The following MAMDC4 variants were observed in gnomAD, a reference collection of about 807,000 sequenced individuals.
The protein encoded by MAMDC4 is MAM domain containing 4.
MAMDC4 carries 168 observed loss-of-function variants against 153.3 expected under a neutral mutation model. The observed-to-expected ratio is 1.10, with a 90% CI of 0.97 to 1.25. MAMDC4 has a LOEUF of 1.25. MAMDC4 is among the 50% of genes most tolerant of loss of function. The pLI, the probability that MAMDC4 is intolerant of heterozygous loss-of-function variation, is 0.00. For synonymous variants in MAMDC4, 744 were observed against 651.5 expected (o/e 1.14, Z -2.16); for missense variants, 1,701 against 1,542.8 (o/e 1.10, Z -1.72).
chr9:136,859,500 C>A (rs995743749), intron 25 of MAMDC4, 183 bp downstream of exon 25: 10 of 649,910 alleles, frequency 1.5e-5, no homozygotes, highest in African/African-American at 1.8e-5. Flanking sequence ...ACCCCTGGGG[C>A]CGCTGCCTGG....
chr9:136,854,271 C>T lies in MAMDC4; in HGVS notation c.731C>T (p.Pro244Leu), dbSNP rs1848970084. The T allele has an allele frequency of 6.2e-7, 1 of 1,610,292 alleles. No individual in the cohort carries two copies. Among genetic ancestry groups the T allele is most frequent in the Non-Finnish European group, 8.5e-7 (1 of 1,178,930 alleles). Residue 244 changes from proline to leucine, a missense_variant, in exon 7 of 27, where the codon CCC (proline) becomes CTC (leucine). Coordinates refer to ENST00000317446, the MANE Select transcript of MAMDC4 (RefSeq NM_206920.3). Reference sequence around the variant, plus strand: ...TGCCAGAACAAGGTCTGCGTGGAGCCCCAGCAGCTGTGCGACGGGGAAGAC... The same window carrying T: ...TGCCAGAACAAGGTCTGCGTGGAGCTCCAGCAGCTGTGCGACGGGGAAGAC... ...HHCQNKVCVE[P>L]QQLCDGEDNC...
At position 136,856,770 on chromosome 9, in the gene MAMDC4, C is replaced by T. The variant is rs772349862; in HGVS notation, c.1781C>T (p.Thr594Ile). 1 of 1,612,140 alleles carries T rather than the reference C, an allele frequency of 6.2e-7. No homozygotes were observed. Among genetic ancestry groups the T allele is most frequent in the Non-Finnish European group, 8.5e-7 (1 of 1,179,672 alleles). The change falls in exon 15 of 27, where the codon ACA becomes ATA. Residue 594 changes from threonine to isoleucine, a missense_variant. Transcript: ENST00000317446. ...TGGTACCCAGGCCACCTCTCAGACA[C>T]ACACTGGCGCTGGGTGGAGAGCCGC... Reference protein sequence around the residue: ...CSWYPGHLSDTHWRWVESRGP... With the variant: ...CSWYPGHLSDIHWRWVESRGP...
rs771008219 is a variant in MAMDC4, at chr9:136,858,218, A to G, written c.2616A>G (p.Ala872=). Residue 872 remains alanine, a synonymous_variant, in exon 21 of 27, where the codon GCA becomes GCG. Transcript: ENST00000317446. ...VVFEAVAAGV[A]HSYVALDDLL... ...TTGAGGCAGTGGCCGCAGGCGTGGC[A>G]CACTCCTACGTGGCTCTGGATGATC... 3 of 1,598,684 alleles carry G rather than the reference A, an allele frequency of 1.9e-6. No homozygotes were observed. The highest frequency in any genetic ancestry group is 2.5e-6 in the Non-Finnish European group (3 of 1,177,154).
chr9:136,856,588 C>T (rs1849008026), intron 14 of MAMDC4, 122 bp from the exon 15 acceptor site: 1 of 924,108 alleles, frequency 1.1e-6, no homozygotes, highest in Non-Finnish European at 1.8e-6. Flanking sequence ...TCCTGCTGCC[C>T]ATCCTCACTC....
Position 136,853,821 on chromosome 9 carries a change from C to T in MAMDC4, c.499C>T (p.Leu167=). 1 of 1,612,334 alleles carries T rather than the reference C, an allele frequency of 6.2e-7. No individual in the cohort carries two copies. Among genetic ancestry groups the T allele is most frequent in the Non-Finnish European group, 8.5e-7 (1 of 1,179,730 alleles). Reference sequence around the variant, plus strand: ...GGAGCTGACCCATGGCGCAGAGACCCTGACCCTGTGGCAGAGCACAGGGCC... The same window carrying T: ...GGAGCTGACCCATGGCGCAGAGACCTTGACCCTGTGGCAGAGCACAGGGCC... ...RVELTHGAET[L]TLWQSTGPWG... Residue 167 remains leucine, a synonymous_variant, in exon 5 of 27, where the codon CTG becomes TTG. Transcript: ENST00000317446.
chr9:136,859,819 A>T, intron 25 of MAMDC4, 67 bp from the exon 26 acceptor site: 1 of 1,555,850 alleles, frequency 6.4e-7, no homozygotes, highest in Non-Finnish European at 8.8e-7. Context: ...ATGCAGCCCC[A>T]GGCTTCCTCC....
At position 136,857,730 on chromosome 9, in the gene MAMDC4, G is replaced by T; in HGVS notation, c.2398G>T (p.Glu800Ter). 6.2e-7 allele frequency: 1 copy of T among 1,612,586 alleles called. No individual in the cohort carries two copies. Among genetic ancestry groups the T allele is most frequent in the South Asian group, 1.1e-5 (1 of 91,078 alleles). The change falls in exon 19 of 27, where the codon GAG becomes TAG. Residue 800 changes from glutamate (E) to a stop codon, truncating the protein, a stop_gained. Transcript: ENST00000317446. LOFTEE classifies it high-confidence loss of function. ...RGQTASLTSK[E>*]HRPLAQPACL... ...CCAGACGGCCTCCCTGACCTCCAAG[G>T]AGCACAGGCCCCTGGCCCAGCCTGC... is the stretch of plus-strand genomic sequence containing the variant.
At chr9:136,852,777 G>A (rs1411364384) in intron 1 of MAMDC4, among the ~76,000 whole-genome samples, 1 of 152,180 alleles carries the variant, frequency 6.6e-6, no homozygotes, top group East Asian at 1.9e-4. Context: ...GCCCTGGGCC[G>A]CCCGTCGATG....
chr9:136,856,368 G>A (rs755246499), intron 14 of MAMDC4: 19 of 894,668 alleles, frequency 2.1e-5, no homozygotes, highest in South Asian at 7.9e-5. Flanking sequence ...GGGGCCCGCC[G>A]CCGGCCCTTC....
In MAMDC4 at chr9:136,854,129, C is replaced by T. The variant is rs1472370214; in HGVS notation, c.670+53C>T. The T allele has an allele frequency of 1.5e-5, 24 of 1,609,786 alleles. No homozygotes were observed. In the South Asian group the frequency reaches 2.2e-4, roughly 15 times the overall value. ...CCCCGGGAGGGCCCCCACCTGCCCA[C>T]TCCCCTGCTCAGACCCTGTCTGCCC... is the stretch of plus-strand genomic sequence containing the variant. On this transcript the variant is annotated intron_variant, in intron 6 of 26. Transcript: ENST00000317446.
rs375682100 is a variant in MAMDC4 at position 136,855,157 on chromosome 9, A to G, written c.1197+47A>G. 6.4e-6 allele frequency: 10 copies of G among 1,564,636 alleles called. No homozygotes were observed. The African/African-American group carries it at 1.4e-4, about 21-fold the overall frequency. ...GGGTCTGGGGAGCCGCACTGTGGGC[A>G]GGGGAGGGGAACCCACAAGGTACCC... On this transcript the variant is annotated intron_variant, in intron 10 of 26. Transcript: ENST00000317446.
Position 136,855,730 on chromosome 9 carries a change from A to T in MAMDC4, c.1472-2A>T, listed in dbSNP as rs867235364. The T allele has an allele frequency of 6.3e-7, 1 of 1,575,622 alleles. No individual in the cohort carries two copies. The highest frequency in any genetic ancestry group is 2.3e-5 in the East Asian group (1 of 43,510). On this transcript the variant is annotated splice_acceptor_variant, in intron 12 of 26. Coordinates refer to ENST00000317446, the MANE Select transcript of MAMDC4 (RefSeq NM_206920.3). LOFTEE classifies it high-confidence loss of function. Reference sequence around the variant, plus strand: ...GCCATTCAGTGCCGGCTGCTGTTCCAGGCACCACAGACTTTGAGTCCCCCG... The same window carrying T: ...GCCATTCAGTGCCGGCTGCTGTTCCTGGCACCACAGACTTTGAGTCCCCCG...
At chr9:136,855,399 C>T in intron 11 of MAMDC4, 32 bp from the exon 12 acceptor site, 3 of 1,603,616 alleles carry the variant, frequency 1.9e-6, no homozygotes, top group Non-Finnish European at 2.6e-6. Context: ...ACTCCCCATC[C>T]CTGCCTCCTG....
At chr9:136,855,676 C>T (rs942321856) in intron 12 of MAMDC4, 56 bp from the exon 13 acceptor site, 82 of 1,567,280 alleles carry the variant, frequency 5.2e-5, no homozygotes, top group Non-Finnish European at 6.5e-5. Context: ...GGGTAGGCGC[C>T]GGGGCAGGCT....
At position 136,854,962 on chromosome 9, in the gene MAMDC4, G is replaced by A. The variant is rs758483946; in HGVS notation, c.1049G>A (p.Gly350Glu). The A allele has an allele frequency of 4.4e-6, 7 of 1,608,520 alleles. No homozygotes were observed. The highest frequency in any genetic ancestry group is 4.2e-6 in the Non-Finnish European group (5 of 1,178,060). ...CTGGTCTTCTATCAGTACCTGAGTG[G>A]GTCTGAGGCTGGCTGCCTCCAGCTG... Reference protein sequence around the residue: ...CSLVFYQYLSGSEAGCLQLFL... With the variant: ...CSLVFYQYLSESEAGCLQLFL... Residue 350 changes from glycine (G) to glutamate (E), a missense_variant, in exon 10 of 27, where the codon GGG (glycine) becomes GAG (glutamate). By Grantham distance (98) the Gly-to-Glu change is moderately conservative (BLOSUM62 -2). Coordinates refer to ENST00000317446, the MANE Select transcript of MAMDC4 (RefSeq NM_206920.3).
At chr9:136,854,912 C>G in intron 9 of MAMDC4, 25 bp from the exon 10 acceptor site, 1 of 1,612,420 alleles carries the variant, frequency 6.2e-7, no homozygotes, top group Non-Finnish European at 8.5e-7. Context: ...CGGTGCAGGC[C>G]CCCAGCCAGC....
In MAMDC4 at chr9:136,860,583, T is replaced by C; in HGVS notation, c.3394T>C (p.Ser1132Pro). ...CTAGGATGGTGTCACCCTCCCGGCA[T>C]CTGTCACCAGTGATCCGTAGACCAC... The part of the protein sequence containing the change: ...FNADGVTLPA[S>P]VTSDP Residue 1132 changes from serine to proline, a missense_variant, in exon 27 of 27, where the codon TCT (serine) becomes CCT (proline). Ser to Pro is a moderately conservative substitution (Grantham distance 74, BLOSUM62 -1). Coordinates refer to ENST00000317446, the MANE Select transcript of MAMDC4 (RefSeq NM_206920.3). 6.2e-7 allele frequency: 1 copy of C among 1,613,092 alleles called. No homozygotes were observed. The highest frequency in any genetic ancestry group is 8.5e-7 in the Non-Finnish European group (1 of 1,179,878).
At chr9:136,857,629 G>C in intron 18 of MAMDC4, 30 bp from the exon 19 acceptor site, 1 of 1,611,972 alleles carries the variant, frequency 6.2e-7, no homozygotes, top group Non-Finnish European at 8.5e-7. Context: ...GGCTGGCCAG[G>C]GGCTGGCAGG....
chr9:136,854,885 C>T (rs776962253), intron 9 of MAMDC4, 35 bp downstream of exon 9: 1 of 1,612,638 alleles, frequency 6.2e-7, no homozygotes, highest in Non-Finnish European at 8.5e-7. Flanking sequence ...CCTCCCTGCT[C>T]TCCGTGCTGG....
Sources: allele counts gnomAD v4.1 joint callset (sites outside exome capture counted in the v4.1 genomes callset), GRCh38; gene constraint gnomAD v4.1.1; transcripts MANE v1.5; gene names NCBI Gene and HGNC (gene_info 2026-07-23, HGNC 2026-07-21).